Variants in TXNDC16 observed in about 807,000 individuals in gnomAD.
TXNDC16 encodes thioredoxin domain containing 16.
In TXNDC16, 74 loss-of-function variants were observed where a neutral mutation model predicts 85.6. The observed-to-expected ratio is 0.86, with a 90% CI of 0.72 to 1.05. The LOEUF (loss-of-function observed/expected upper bound fraction) is 1.05. Ranked by LOEUF, TXNDC16 falls within the 50% of genes least tolerant of loss-of-function variation. The pLI, the probability that TXNDC16 is intolerant of heterozygous loss-of-function variation, is 0.00. For synonymous variants in TXNDC16, 335 were observed against 326.5 expected, an observed-to-expected ratio of 1.03 and a Z score of -0.28; for missense variants, 959 against 947.0, an observed-to-expected ratio of 1.01 and a Z score of -0.17.
At chr14:52,550,709 T>C (rs558805694) in intron 1 of TXNDC16, among the ~76,000 whole-genome samples, 1 of 152,370 alleles carries the variant, frequency 6.6e-6, no homozygotes, top group African/African-American at 2.4e-5. Flanking sequence ...ACTTGAAATG[T>C]GCACCTCAAT....
intron 16 of TXNDC16, among the ~76,000 whole-genome samples, chr14:52,460,046 G>A (rs571124367): frequency 3.9e-5 from 6 of 152,112 alleles, no homozygotes; most frequent in Non-Finnish European, 8.8e-5. Flanking sequence ...AGTCTTGGAA[G>A]TCCTAGCTGG....
intron 9 of TXNDC16, among the ~76,000 whole-genome samples, chr14:52,505,143 T>A (rs2036763860): frequency 6.6e-6 from 1 of 152,152 alleles, no homozygotes; most frequent in African/African-American, 2.4e-5. Context: ...CACCCCACTG[T>A]CAACATTAGA....
At chr14:52,459,330 G>T (rs563596532) in intron 16 of TXNDC16, among the ~76,000 whole-genome samples, 1 of 151,938 alleles carries the variant, frequency 6.6e-6, no homozygotes, top group African/African-American at 2.4e-5. Context: ...TGAAAGAGAT[G>T]GATAAACTCC....
chr14:52,445,062 T>C (rs552665164), intron 18 of TXNDC16, among the ~76,000 whole-genome samples: 14 of 152,268 alleles, frequency 9.2e-5, no homozygotes, highest in African/African-American at 3.4e-4. Flanking sequence ...ATACAGAATT[T>C]AGGTTTGGGG....
chr14:52,460,052 G>A (rs952096354), intron 16 of TXNDC16, among the ~76,000 whole-genome samples: 6 of 152,092 alleles, frequency 3.9e-5, no homozygotes, highest in African/African-American at 1.4e-4. Context: ...GGAAGTCCTA[G>A]CTGGAGAAAT....
chr14:52,528,249 C>A (rs1041989763), intron 6 of TXNDC16, among the ~76,000 whole-genome samples: 3 of 152,112 alleles, frequency 2.0e-5, no homozygotes, highest in Non-Finnish European at 2.9e-5. Flanking sequence ...AGGAACAACA[C>A]AAATGCTTCG....
At chr14:52,448,485 A>G (rs2035335031) in intron 18 of TXNDC16, among the ~76,000 whole-genome samples, 1 of 152,150 alleles carries the variant, frequency 6.6e-6, no homozygotes, top group Non-Finnish European at 1.5e-5. Flanking sequence ...CCCCAGACAA[A>G]CAAAATCTGA....
At chr14:52,476,875 A>G (rs1458479808) in intron 14 of TXNDC16, among the ~76,000 whole-genome samples, 1 of 152,204 alleles carries the variant, frequency 6.6e-6, no homozygotes, top group Non-Finnish European at 1.5e-5. Flanking sequence ...CATTGTCATC[A>G]GGTTACCTAA....
Position 52,432,535 on chromosome 14 carries a change from T to C in TXNDC16, c.2247A>G (p.Leu749=), listed in dbSNP as rs1300100102. The C allele has an allele frequency of 5.0e-6, 8 of 1,612,878 alleles. No homozygotes were observed. The South Asian group carries it at 8.8e-5, about 18-fold the overall frequency. ...GAGATGTTGCGGCATCTATCATACTTAGAAAATCATAAGCTGGAAGAGGAG... is the reference window on the plus strand; with the variant it reads ...GAGATGTTGCGGCATCTATCATACTCAGAAAATCATAAGCTGGAAGAGGAG... ...WKPPLPAYDF[L]SMIDAATSQR... The change falls in exon 21 of 21, where the codon CTA becomes CTG. Residue 749 remains leucine, a synonymous_variant. Transcript: ENST00000281741.
At chr14:52,451,732 A>C (rs1180740496) in intron 18 of TXNDC16, among the ~76,000 whole-genome samples, 1 of 152,146 alleles carries the variant, frequency 6.6e-6, no homozygotes, top group Admixed American at 6.6e-5. Flanking sequence ...AGCCACAGCT[A>C]GTGTCATTCT....
At chr14:52,525,015 G>A (rs1332711632) in intron 6 of TXNDC16, among the ~76,000 whole-genome samples, 8 of 151,860 alleles carry the variant, frequency 5.3e-5, no homozygotes, top group African/African-American at 1.7e-4. Flanking sequence ...CCAGCTACTC[G>A]TGAGGCTGAG....
At chr14:52,460,677 C>A (rs1048051280) in intron 16 of TXNDC16, among the ~76,000 whole-genome samples, 17 of 152,014 alleles carry the variant, frequency 1.1e-4, no homozygotes, top group Admixed American at 7.2e-4. Context: ...TAAAATAAAT[C>A]ATTTATTTAG....
At chr14:52,484,393 A>G (rs2036219560) in intron 12 of TXNDC16, among the ~76,000 whole-genome samples, 1 of 152,250 alleles carries the variant, frequency 6.6e-6, no homozygotes, top group Non-Finnish European at 1.5e-5. Context: ...CATAATTTCT[A>G]ATACAGTCAC....
chr14:52,486,326 C>T (rs1299358016), intron 12 of TXNDC16, among the ~76,000 whole-genome samples: 1 of 149,006 alleles, frequency 6.7e-6, no homozygotes, highest in African/African-American at 2.5e-5. Flanking sequence ...CTCTGTTGCC[C>T]AGGTAGGAGT....
Position 52,440,563 on chromosome 14 carries a change from C to T in TXNDC16, c.2003+1G>A. ...ATATTAAAAAATAAACACATACTTA[C>T]AGATTTAACCAGCATGGAGTAAATG... On this transcript the variant is annotated splice_donor_variant, in intron 19 of 20. Coordinates refer to ENST00000281741, the MANE Select transcript of TXNDC16 (RefSeq NM_020784.3). LOFTEE classifies it high-confidence loss of function. 3 of 1,566,096 alleles carry T rather than the reference C, an allele frequency of 1.9e-6. No homozygotes were observed. The highest frequency in any genetic ancestry group is 2.6e-6 in the Non-Finnish European group (3 of 1,161,312).
Position 52,457,132 on chromosome 14 carries a change from T to C in TXNDC16, c.1661A>G (p.Tyr554Cys), listed in dbSNP as rs1436490005. ...FSEAGNYLKG[Y>C]VITGIYSEED... ...TTCAGAATAAATTCCAGTGATAACA[T>C]ATCCTTTTAGGTAGTTTCCTGCTTC... is the stretch of plus-strand genomic sequence containing the variant. Residue 554 changes from tyrosine (Y) to cysteine (C), a missense_variant, in exon 17 of 21, where the codon TAT becomes TGT. Transcript: ENST00000281741. 6.3e-7 allele frequency: 1 copy of C among 1,594,164 alleles called. No homozygotes were observed. Among genetic ancestry groups the C allele is most frequent in the Non-Finnish European group, 8.5e-7 (1 of 1,173,258 alleles).
intron 15 of TXNDC16, 151 bp downstream of exon 15, chr14:52,470,361 T>C (rs964177288): frequency 3.9e-6 from 4 of 1,030,160 alleles, no homozygotes; most frequent in Admixed American, 3.1e-5. Flanking sequence ...CCGAAAAGTG[T>C]TGAAATGTAC....
chr14:52,489,314 A>G (rs1170869829), intron 11 of TXNDC16, among the ~76,000 whole-genome samples: 1 of 152,172 alleles, frequency 6.6e-6, no homozygotes, highest in African/African-American at 2.4e-5. Context: ...AATTAATATT[A>G]AAAAATATTA....
intron 4 of TXNDC16, among the ~76,000 whole-genome samples, chr14:52,540,379 C>G (rs1471315804): frequency 6.6e-6 from 1 of 152,096 alleles, no homozygotes; most frequent in Non-Finnish European, 1.5e-5. Flanking sequence ...AATCCCAGCA[C>G]TTTGGGAGGC....
Sources: allele counts gnomAD v4.1 joint callset (sites outside exome capture counted in the v4.1 genomes callset), GRCh38; gene constraint gnomAD v4.1.1; transcripts MANE v1.5; gene names NCBI Gene and HGNC (gene_info 2026-07-23, HGNC 2026-07-21).